DAB1: variants seen among roughly 807,000 people sequenced by gnomAD.
DAB1 encodes the protein DAB adaptor protein 1.
DAB1 carries 15 observed loss-of-function variants against 64.6 expected under a neutral mutation model. The ratio of observed to expected loss-of-function variants is 0.23; its 90% CI spans 0.16 to 0.36. The LOEUF (loss-of-function observed/expected upper bound fraction) is 0.36. Ranked by LOEUF, DAB1 falls within the 10% of genes least tolerant of loss-of-function variation. DAB1 has a pLI of 1.00. For synonymous variants in DAB1, 235 were observed against 251.9 expected (o/e 0.93, Z 0.64); for missense variants, 596 against 706.7 (o/e 0.84, Z 1.78).
intron 5 of DAB1, among the ~76,000 whole-genome samples, chr1:58,135,949 C>A (rs1370749789): frequency 6.6e-6 from 1 of 152,142 alleles, no homozygotes; most frequent in Non-Finnish European, 1.5e-5. Flanking sequence ...GTTACCCTCT[C>A]TGCGGTGCAG....
chr1:57,942,488 G>T (rs941226393), intron 5 of DAB1, among the ~76,000 whole-genome samples: 6 of 152,320 alleles, frequency 3.9e-5, no homozygotes, highest in African/African-American at 1.4e-4. Flanking sequence ...GTGTTAATCA[G>T]ATCCTACATT....
intron 7 of DAB1, among the ~76,000 whole-genome samples, chr1:57,543,085 G>A (rs1394965661): frequency 2.0e-5 from 3 of 152,154 alleles, no homozygotes; most frequent in African/African-American, 7.2e-5. Context: ...CAGCTAACAT[G>A]CAAACCAAGA....
chr1:58,394,100 A>G (rs1211135527), intron 3 of DAB1, among the ~76,000 whole-genome samples: 5 of 152,208 alleles, frequency 3.3e-5, no homozygotes, highest in African/African-American at 2.4e-5. Flanking sequence ...AAATTTGAAT[A>G]TACTTTACCA....
At chr1:57,465,836 A>C (rs964766383) in intron 7 of DAB1, among the ~76,000 whole-genome samples, 1 of 152,168 alleles carries the variant, frequency 6.6e-6, no homozygotes, top group Non-Finnish European at 1.5e-5. Context: ...CAGAGAAAAA[A>C]CTGAATGTAA....
rs200732121 is a variant in DAB1, at chr1:57,155,129, A to G, written c.68-9700T>C. Reference sequence around the variant, plus strand: ...GACCCATGTCCTGCAGATTTTCTCCAATGTTTTCTTGTAGAAGTTTAATAG... The same window carrying G: ...GACCCATGTCCTGCAGATTTTCTCCGATGTTTTCTTGTAGAAGTTTAATAG... On this transcript the variant is annotated intron_variant, in intron 2 of 14. Transcript: ENST00000371236. 7.9e-5 allele frequency among the ~76,000 whole-genome samples: 12 copies of G among 152,284 alleles called. No individual in the cohort carries two copies. In the East Asian group the frequency reaches 2.3e-3, roughly 29 times the overall value.
intron 4 of DAB1, among the ~76,000 whole-genome samples, chr1:58,194,114 C>T (rs1042797723): frequency 2.6e-5 from 4 of 152,216 alleles, no homozygotes; most frequent in African/African-American, 9.6e-5. Flanking sequence ...CATAGTCATT[C>T]AACTGGGGCA....
intron 2 of DAB1, among the ~76,000 whole-genome samples, chr1:58,510,960 T>G (rs911271146): frequency 6.6e-6 from 1 of 151,890 alleles, no homozygotes; most frequent in Admixed American, 6.6e-5. Flanking sequence ...AAAAAACTGA[T>G]GAAAGAAATT....
chr1:58,204,590 C>A (rs1289237513), intron 4 of DAB1, among the ~76,000 whole-genome samples: 1 of 152,130 alleles, frequency 6.6e-6, no homozygotes, highest in African/African-American at 2.4e-5. Flanking sequence ...CCTATCAGAA[C>A]CCCCAGGAGA....
chr1:57,841,372 A>G (rs1653039658), intron 1 of DAB1, among the ~76,000 whole-genome samples: 1 of 152,198 alleles, frequency 6.6e-6, no homozygotes, highest in South Asian at 2.1e-4. Context: ...TGGGGTCTGG[A>G]GGATGATGGC....
chr1:58,258,926 C>T (rs1418340699), intron 4 of DAB1, among the ~76,000 whole-genome samples: 1 of 152,128 alleles, frequency 6.6e-6, no homozygotes, highest in Non-Finnish European at 1.5e-5. Context: ...TGCCTCTGCC[C>T]TTAACACTCA....
chr1:57,272,768 T>C (rs1671114083), intron 2 of DAB1, among the ~76,000 whole-genome samples: 1 of 152,184 alleles, frequency 6.6e-6, no homozygotes, highest in Admixed American at 6.5e-5. Context: ...CCTACACACG[T>C]GGCTGGCCAT....
At chr1:58,277,350 C>T (rs1374613627) in intron 4 of DAB1, among the ~76,000 whole-genome samples, 4 of 152,140 alleles carry the variant, frequency 2.6e-5, no homozygotes, top group African/African-American at 9.7e-5. Flanking sequence ...GATGCAAAGA[C>T]TTTTAAAGCC....
At chr1:58,153,850 C>T (rs1053065595) in intron 4 of DAB1, among the ~76,000 whole-genome samples, 7 of 148,266 alleles carry the variant, frequency 4.7e-5, no homozygotes, top group African/African-American at 1.5e-4. Context: ...CCCAGTTTCT[C>T]ATCTAGTGTG....
intron 5 of DAB1, among the ~76,000 whole-genome samples, chr1:58,146,525 G>C (rs906767349): frequency 6.6e-6 from 1 of 151,984 alleles, no homozygotes; most frequent in South Asian, 2.1e-4. Flanking sequence ...TCCCACTCCT[G>C]GCAATCATGG....
intron 9 of DAB1, among the ~76,000 whole-genome samples, chr1:57,051,177 G>A (rs1649148582): frequency 2.0e-5 from 3 of 152,154 alleles, no homozygotes; most frequent in South Asian, 4.1e-4. Context: ...CATCAAAAGG[G>A]ACAACCTTAT....
At chr1:57,354,800 C>A (rs1678928659) in intron 1 of DAB1, among the ~76,000 whole-genome samples, 1 of 152,026 alleles carries the variant, frequency 6.6e-6, no homozygotes, top group Non-Finnish European at 1.5e-5. Context: ...AGGCAGCAGG[C>A]ATGAAAAGGA....
intron 3 of DAB1, among the ~76,000 whole-genome samples, chr1:58,471,701 T>C (rs889549040): frequency 2.0e-5 from 3 of 152,188 alleles, no homozygotes; most frequent in East Asian, 1.9e-4. Flanking sequence ...GTTCTCGTGA[T>C]AGTGAGTGAG....
chr1:57,740,046 C>CAAAAAAA (rs34382329), intron 6 of DAB1, among the ~76,000 whole-genome samples: 4 of 103,108 alleles, frequency 3.9e-5, no homozygotes, highest in African/African-American at 7.5e-5. Context: ...ACTACTACTA[C>CAAAAAAA]AAAAAAAAAA....
chr1:57,799,761 T>A (rs920791499), intron 6 of DAB1, among the ~76,000 whole-genome samples: 4 of 152,140 alleles, frequency 2.6e-5, no homozygotes, highest in African/African-American at 9.7e-5. Context: ...AAGAATAATT[T>A]TTCGTGACAC....
Sources: gnomAD v4.1 joint callset for allele counts (sites outside exome capture counted in the v4.1 genomes callset) on GRCh38, gnomAD v4.1.1 for gene constraint, MANE v1.5 for transcripts, NCBI Gene and HGNC (gene_info 2026-07-23, HGNC 2026-07-21) for gene names.